Variants in DDC observed in about 807,000 individuals in gnomAD.
DDC encodes the protein aromatic-L-amino-acid decarboxylase.
Under a neutral mutation model 60.0 loss-of-function variants are expected in DDC, and 43 were observed. That is an observed-to-expected ratio of 0.72 (90% CI 0.56 to 0.92). DDC has a LOEUF of 0.92. Among genes scored for constraint, DDC ranks in the 40% least tolerant of loss-of-function variants. The pLI is 0.00. For synonymous variants in DDC, 232 were observed against 234.6 expected, an observed-to-expected ratio of 0.99 and a Z score of 0.10; for missense variants, 573 against 620.2, an observed-to-expected ratio of 0.92 and a Z score of 0.81.
At chr7:50,495,444 G>A in intron 8 of DDC, 27 bp from the exon 9 acceptor site, 2 of 1,549,298 alleles carry the variant, frequency 1.3e-6, no homozygotes, top group Non-Finnish European at 1.8e-6. Context: ...GTAAGAAAAA[G>A]AAAACATTTT....
intron 6 of DDC, among the ~76,000 whole-genome samples, chr7:50,523,874 CT>C (rs373378649): frequency 2.6e-5 from 4 of 152,206 alleles, no homozygotes; most frequent in South Asian, 2.1e-4. Flanking sequence ...CACACAAATG[CT>C]TATAGCACTT....
At chr7:50,460,590 G>A (rs1337201275) in intron 14 of DDC, among the ~76,000 whole-genome samples, 1 of 151,616 alleles carries the variant, frequency 6.6e-6, no homozygotes, top group Non-Finnish European at 1.5e-5. Context: ...TGACAATGGC[G>A]GTTTTGTGGA....
chr7:50,539,904 C>A lies in DDC; in HGVS notation c.315+11G>T. On this transcript the variant is annotated intron_variant, in intron 3 of 14. Transcript: ENST00000444124. ...CCAGGACCCCTTCCCGAGGTGCATCCGGACCCTCACCCAGGAGAAGCCGAT... is the reference window on the plus strand; with the variant it reads ...CCAGGACCCCTTCCCGAGGTGCATCAGGACCCTCACCCAGGAGAAGCCGAT... 2 of 1,608,266 alleles carry A rather than the reference C, an allele frequency of 1.2e-6. No homozygotes were observed. Among genetic ancestry groups the A allele is most frequent in the South Asian group, 1.1e-5 (1 of 90,852 alleles).
At chr7:50,540,669 G>T (rs186560832) in intron 2 of DDC, among the ~76,000 whole-genome samples, 6 of 152,258 alleles carry the variant, frequency 3.9e-5, no homozygotes, top group Admixed American at 3.3e-4. Flanking sequence ...CCTGGCCACT[G>T]CCCCTTGCCA....
intron 9 of DDC, chr7:50,492,819 A>G (rs1475567867): frequency 2.0e-6 from 3 of 1,506,298 alleles, no homozygotes; most frequent in Middle Eastern, 2.3e-4. Context: ...GCCGGGGAAG[A>G]GTTGTCCGGG....
intron 1 of DDC, among the ~76,000 whole-genome samples, chr7:50,546,873 G>C (rs2044823483): frequency 6.6e-6 from 1 of 152,248 alleles, no homozygotes; most frequent in East Asian, 1.9e-4. Context: ...CACAATGACT[G>C]TCTGAAGTTC....
At chr7:50,541,935 C>T (rs1242290200) in intron 2 of DDC, among the ~76,000 whole-genome samples, 3 of 152,084 alleles carry the variant, frequency 2.0e-5, no homozygotes, top group African/African-American at 4.8e-5. Flanking sequence ...TTAACAACCA[C>T]GGCCACCCCA....
intron 1 of DDC, among the ~76,000 whole-genome samples, chr7:50,554,881 A>T (rs2045128193): frequency 6.6e-6 from 1 of 152,190 alleles, no homozygotes; most frequent in Non-Finnish European, 1.5e-5. Context: ...AAAAAGCAAC[A>T]TAAAGTGTTC....
intron 1 of DDC, among the ~76,000 whole-genome samples, chr7:50,562,317 T>C (rs4947662): frequency 0.99 from 151,503 of 152,340 alleles, 75,341 homozygotes; most frequent in Middle Eastern, 1. Flanking sequence ...GCAGCAGCCA[T>C]GTGGACAATG....
intron 8 of DDC, 136 bp from the exon 9 acceptor site, chr7:50,495,553 G>A (rs1216025141): frequency 2.8e-6 from 2 of 726,228 alleles, no homozygotes; most frequent in Non-Finnish European, 4.8e-6. Context: ...GGGTTGCCCA[G>A]GGGAGTAGTA....
intron 1 of DDC, among the ~76,000 whole-genome samples, chr7:50,554,309 G>T (rs1398557976): frequency 6.6e-6 from 1 of 152,108 alleles, no homozygotes; most frequent in Non-Finnish European, 1.5e-5. Flanking sequence ...GGGCAACTGT[G>T]GGGGGCAGGG....
At chr7:50,554,058 G>A (rs1450644516) in intron 1 of DDC, among the ~76,000 whole-genome samples, 1 of 152,088 alleles carries the variant, frequency 6.6e-6, no homozygotes. Context: ...ATCTAAATCC[G>A]CTCACAAGTG....
intron 1 of DDC, among the ~76,000 whole-genome samples, chr7:50,555,291 G>A (rs2045145609): frequency 6.6e-6 from 1 of 152,124 alleles, no homozygotes; most frequent in African/African-American, 2.4e-5. Flanking sequence ...AGTCAGTGGG[G>A]GAGACAAGAG....
Position 50,510,980 on chromosome 7 carries a change from CAAAAAAAAAA to C in DDC, c.715-6931_715-6922del. ...TGGGCGAAAGAGCGAGACTCTGTCT[CAAAAAAAAAA>C]AAAAAAAAAAAAACTCAACTGTTTA... On this transcript the variant is annotated intron_variant, in intron 6 of 14. Transcript: ENST00000444124. 4.9e-5 allele frequency among the ~76,000 whole-genome samples: 3 copies of C among 60,922 alleles called. 1 individual carries two copies. The Middle Eastern group carries it at 0.054, about 1,088-fold the overall frequency. 40.0% of individuals were successfully genotyped at this position (60,922 alleles called of 152,430 possible).
At chr7:50,540,567 G>A (rs1240503275) in intron 2 of DDC, among the ~76,000 whole-genome samples, 2 of 150,972 alleles carry the variant, frequency 1.3e-5, no homozygotes, top group Non-Finnish European at 1.5e-5. Context: ...TGGTCTTCCC[G>A]CTGCCCCTGG....
At chr7:50,484,108 C>T (rs970936832) in intron 9 of DDC, among the ~76,000 whole-genome samples, 19 of 152,044 alleles carry the variant, frequency 1.2e-4, no homozygotes, top group Admixed American at 5.2e-4. Context: ...TTACTATTTT[C>T]GGAAATCTCT....
intron 6 of DDC, among the ~76,000 whole-genome samples, chr7:50,509,301 G>A (rs978385088): frequency 1.3e-5 from 2 of 152,140 alleles, no homozygotes; most frequent in Non-Finnish European, 2.9e-5. Context: ...GGTCTTTAGG[G>A]CAAAATTCCA....
intron 4 of DDC, among the ~76,000 whole-genome samples, chr7:50,536,408 C>T (rs1428972636): frequency 6.6e-6 from 1 of 152,216 alleles, no homozygotes; most frequent in South Asian, 2.1e-4. Context: ...CACAGGCACG[C>T]ATCCTTAACT....
intron 11 of DDC, among the ~76,000 whole-genome samples, chr7:50,474,555 T>G (rs1391364051): frequency 6.6e-6 from 1 of 152,152 alleles, no homozygotes; most frequent in African/African-American, 2.4e-5. Flanking sequence ...TGATTCTTGG[T>G]GAACGGTAGA....
Sources: gnomAD v4.1 joint callset for allele counts (sites outside exome capture counted in the v4.1 genomes callset) on GRCh38, gnomAD v4.1.1 for gene constraint, MANE v1.5 for transcripts, NCBI Gene and HGNC (gene_info 2026-07-23, HGNC 2026-07-21) for gene names.